The following NAA15 variants were observed in gnomAD, a reference collection of about 807,000 sequenced individuals.
NAA15 encodes the protein N-alpha-acetyltransferase 15, NatA auxiliary subunit.
In NAA15, 34 loss-of-function variants were observed where a neutral mutation model predicts 114.0. The observed-to-expected ratio is 0.30, with a 90% confidence interval of 0.23 to 0.40. The LOEUF (loss-of-function observed/expected upper bound fraction) is 0.40. NAA15 is among the 10% of genes least tolerant of loss of function. The probability of loss-of-function intolerance (pLI) is 1.00; values close to 1 mark genes in which losing one functional copy is unlikely to be tolerated. For missense variants in NAA15, 658 were observed against 1,004.5 expected (o/e 0.66, Z 4.66); for synonymous variants, 340 against 338.0 (o/e 1.01, Z -0.06).
At chr4:139,355,062 C>T (rs1747902159) in intron 10 of NAA15, among the ~76,000 whole-genome samples, 2 of 151,696 alleles carry the variant, frequency 1.3e-5, no homozygotes, top group Admixed American at 1.3e-4. Flanking sequence ...TTGGTAGAGA[C>T]GGGGTCTCAC....
In NAA15 at chr4:139,356,208, AC is replaced by A. The variant is rs566198915; in HGVS notation, c.1088-1177del. Reference sequence around the variant, plus strand: ...TCACCAAATTCAAAATAACCACATTACAAATCTCAAATGGTCCCATTCTTTA... The same window carrying A: ...TCACCAAATTCAAAATAACCACATTAAAATCTCAAATGGTCCCATTCTTTA... On this transcript the variant is annotated intron_variant, in intron 10 of 19. Coordinates refer to ENST00000296543, the MANE Select transcript of NAA15 (RefSeq NM_057175.5). Among the ~76,000 whole-genome samples, 219 of 152,220 alleles carry A rather than the reference AC, an allele frequency of 1.4e-3. 1 individual carries two copies. The highest frequency in any genetic ancestry group is 2.4e-3 in the Non-Finnish European group (160 of 68,044).
chr4:139,360,440 C>G, intron 12 of NAA15, 60 bp from the exon 13 acceptor site: 1 of 1,384,934 alleles, frequency 7.2e-7, no homozygotes, highest in South Asian at 1.9e-5. Flanking sequence ...TTTTAAAATT[C>G]TGTGGTAGAA....
chr4:139,319,958 A>G (rs967349803), intron 1 of NAA15, among the ~76,000 whole-genome samples: 1 of 152,130 alleles, frequency 6.6e-6, no homozygotes, highest in Non-Finnish European at 1.5e-5. Flanking sequence ...GTTATCTGTT[A>G]TCTTCTTTCT....
chr4:139,341,248 A>G (rs531291165), intron 4 of NAA15, among the ~76,000 whole-genome samples, 179 bp downstream of exon 4: 1 of 152,140 alleles, frequency 6.6e-6, no homozygotes, highest in African/African-American at 2.4e-5. Context: ...AAAATAAATT[A>G]TTTTATGGTG....
intron 1 of NAA15, among the ~76,000 whole-genome samples, chr4:139,313,808 A>C (rs1346255096): frequency 6.6e-6 from 1 of 151,862 alleles, no homozygotes; most frequent in Non-Finnish European, 1.5e-5. Context: ...AAGTGCTGGC[A>C]TTACAGGTGT....
intron 1 of NAA15, among the ~76,000 whole-genome samples, chr4:139,305,926 G>C (rs1034652790): frequency 1.3e-5 from 2 of 152,134 alleles, no homozygotes; most frequent in African/African-American, 4.8e-5. Flanking sequence ...AACTTAAGTA[G>C]GAAATACAGT....
At chr4:139,380,874 A>G (rs527444027) in intron 17 of NAA15, among the ~76,000 whole-genome samples, 19 of 152,300 alleles carry the variant, frequency 1.2e-4, no homozygotes, top group African/African-American at 3.6e-4. Context: ...TCTTTGTTAT[A>G]CCCCAAGGGT....
chr4:139,306,010 A>G (rs1745998761), intron 1 of NAA15, among the ~76,000 whole-genome samples: 1 of 152,340 alleles, frequency 6.6e-6, no homozygotes, highest in East Asian at 1.9e-4. Flanking sequence ...TAAGTTTGCA[A>G]AAATTTTAGA....
chr4:139,390,139 G>A lies in NAA15; in HGVS notation c.*2055G>A, dbSNP rs1394160284. ...GAAATGAAATTCATTTATTTGTCTT[G>A]ACAATGTTCAAATGATGTAGATTGT... On this transcript the variant is annotated 3_prime_UTR_variant, in exon 20 of 20. Transcript: ENST00000296543. 1.3e-5 allele frequency: 2 copies of A among 152,564 alleles called. 1 individual carries two copies. The highest frequency in any genetic ancestry group is 1.3e-4 in the Admixed American group (2 of 15,266). 9.5% of individuals were successfully genotyped at this position (152,564 alleles called of 1,614,324 possible).
At chr4:139,315,007 T>TCAGG (rs1746345825) in intron 1 of NAA15, among the ~76,000 whole-genome samples, 3 of 70,178 alleles carry the variant, frequency 4.3e-5, no homozygotes, top group Admixed American at 1.7e-4. Flanking sequence ...TCAGTTTAGT[T>TCAGG]TAGGTTAGGT....
chr4:139,332,166 T>C (rs1176437342), intron 1 of NAA15, among the ~76,000 whole-genome samples: 2 of 152,148 alleles, frequency 1.3e-5, no homozygotes, highest in African/African-American at 4.8e-5. Context: ...AGTCTCACAC[T>C]GTCATCCAGG....
At position 139,354,088 on chromosome 4, in the gene NAA15, T is replaced by A; in HGVS notation, c.1077T>A (p.Phe359Leu). ...YETSLKSCRL[F>L]NPNDDGKEEP... The stretch of plus-strand genomic sequence containing the variant: ...CCTCTCTAAAAAGCTGCCGGTTATT[T>A]AACCCCAATGGTAAGTCCTCAAGTT... Residue 359 changes from phenylalanine (F) to leucine (L), a missense_variant, in exon 10 of 20, where the codon TTT becomes TTA. By Grantham distance (22) the Phe-to-Leu change is conservative (BLOSUM62 0). Around this residue, in one of 6 missense-constraint regions of NAA15, gnomAD observed 281 missense variants for 389.1 expected, o/e 0.72. Coordinates refer to ENST00000296543, the MANE Select transcript of NAA15 (RefSeq NM_057175.5). 1 of 1,613,042 alleles carries A rather than the reference T, an allele frequency of 6.2e-7. No homozygotes were observed. The highest frequency in any genetic ancestry group is 8.5e-7 in the Non-Finnish European group (1 of 1,179,186).
In NAA15 at chr4:139,376,345, A is replaced by T; in HGVS notation, c.1948-20A>T. The T allele has an allele frequency of 4.2e-6, 6 of 1,414,860 alleles. No homozygotes were observed. The highest frequency in any genetic ancestry group is 6.0e-6 in the Non-Finnish European group (6 of 1,005,012). 87.6% of individuals were successfully genotyped at this position (1,414,860 alleles called of 1,614,324 possible). A position where few individuals can be genotyped will look rare whatever the true frequency, so the allele number is the denominator to read the frequency against. ...CAAGAACCTTAGTTTCATTTGTATA[A>T]TATCTTTTATTTTTGTTAGGTTGAA... On this transcript the variant is annotated intron_variant, in intron 15 of 19. Transcript: ENST00000296543.
At chr4:139,307,986 C>T (rs905167009) in intron 1 of NAA15, among the ~76,000 whole-genome samples, 7 of 151,624 alleles carry the variant, frequency 4.6e-5, no homozygotes, top group African/African-American at 1.7e-4. Flanking sequence ...TTTTTTGAGA[C>T]GGAGTCTCAC....
chr4:139,301,653 G>T lies in NAA15; in HGVS notation c.-125G>T, dbSNP rs1745748215. The T allele has an allele frequency of 1.8e-6, 2 of 1,135,620 alleles. No individual in the cohort carries two copies. The highest frequency in any genetic ancestry group is 1.3e-6 in the Non-Finnish European group (1 of 795,030). 70.3% of individuals were successfully genotyped at this position (1,135,620 alleles called of 1,614,324 possible). ...GTAGGGCAACGCGGCGACACCCGAG[G>T]CCTGGTGGTGGCGGCGGATCGAGAT... On this transcript the variant is annotated 5_prime_UTR_variant, in exon 1 of 20. Coordinates refer to ENST00000296543, the MANE Select transcript of NAA15 (RefSeq NM_057175.5).
At chr4:139,360,694 GTTTT>G in intron 13 of NAA15, 66 bp downstream of exon 13, 2 of 1,374,934 alleles carry the variant, frequency 1.5e-6, no homozygotes, top group Non-Finnish European at 1.9e-6. Context: ...AAATTTCATA[GTTTT>G]TTTCTCTTCT....
intron 7 of NAA15, among the ~76,000 whole-genome samples, 175 bp from the exon 8 acceptor site, chr4:139,351,016 A>G (rs2110933807): frequency 6.6e-6 from 1 of 152,328 alleles, no homozygotes; most frequent in South Asian, 2.1e-4. Context: ...AAGATAAAAA[A>G]AATTGAAAAG....
chr4:139,301,909 C>G (rs1480601610), intron 1 of NAA15, 78 bp downstream of exon 1: 1 of 1,476,230 alleles, frequency 6.8e-7, no homozygotes, highest in African/African-American at 1.4e-5. Flanking sequence ...CTCGGCCCGG[C>G]GGGCACTGAG....
intron 19 of NAA15, among the ~76,000 whole-genome samples, chr4:139,387,579 C>T (rs917825583): frequency 6.6e-6 from 1 of 152,196 alleles, no homozygotes; most frequent in Non-Finnish European, 1.5e-5. Flanking sequence ...TAAGGTCATA[C>T]GCTTGCTGAG....
Sources: allele counts gnomAD v4.1 joint callset (sites outside exome capture counted in the v4.1 genomes callset), GRCh38; gene constraint gnomAD v4.1.1; regional missense constraint gnomAD v4.1.1; transcripts MANE v1.5; gene names NCBI Gene and HGNC (gene_info 2026-07-23, HGNC 2026-07-21).